FANK1: variants seen among roughly 807,000 people sequenced by gnomAD.
The protein encoded by FANK1 is fibronectin type III and ankyrin repeat domains 1.
FANK1 carries 44 observed loss-of-function variants against 45.3 expected under a neutral mutation model. The ratio of observed to expected loss-of-function variants is 0.97; its 90% confidence interval spans 0.76 to 1.25. The LOEUF (loss-of-function observed/expected upper bound fraction) is 1.25. FANK1 is among the 50% of genes most tolerant of loss of function. FANK1 has a pLI of 0.00. For synonymous variants in FANK1, 149 were observed against 152.5 expected (o/e 0.98, Z 0.17); for missense variants, 391 against 424.4 (o/e 0.92, Z 0.69).
At chr10:126,008,386 G>A (rs759024795) in intron 7 of FANK1, 21 bp from the exon 8 acceptor site, 3 of 1,573,542 alleles carry the variant, frequency 1.9e-6, no homozygotes, top group Admixed American at 1.9e-5. Flanking sequence ...GCTCAACACA[G>A]CTGTTTCTCT....
At chr10:125,939,934 A>ATT (rs1190885268) in intron 1 of FANK1, among the ~76,000 whole-genome samples, 8 of 149,838 alleles carry the variant, frequency 5.3e-5, no homozygotes, top group African/African-American at 2.0e-4. Context: ...TATTATTATT[A>ATT]TTTTTTTTTT....
intron 1 of FANK1, chr10:125,973,777 C>A (rs1236275446): frequency 6.6e-6 from 1 of 150,916 alleles, no homozygotes; most frequent in Middle Eastern, 3.2e-3. Context: ...GGTAAGACCC[C>A]CCTCCTGCCC....
In FANK1 at chr10:125,897,998, C is replaced by CAAAAAAAAAAAAAAA. The variant is rs373550249; in HGVS notation, c.13+1365_13+1379dup. Among the ~76,000 whole-genome samples, 6 of 16,796 alleles carry CAAAAAAAAAAAAAAA rather than the reference C, an allele frequency of 3.6e-4. 2 individuals are homozygous for CAAAAAAAAAAAAAAA. The highest frequency in any genetic ancestry group is 9.7e-4 in the African/African-American group (4 of 4,138). 11.0% of individuals were successfully genotyped at this position (16,796 alleles called of 152,430 possible). A position where few individuals can be genotyped will look rare whatever the true frequency, so the allele number is the denominator to read the frequency against. On this transcript the variant is annotated intron_variant, in intron 1 of 10. Transcript: ENST00000368693. ...AGTGAAACCCATCTCTACTAAAATA[C>CAAAAAAAAAAAAAAA]AAAAAAAAAAAAAAAAAAAAAAAAA... is the stretch of plus-strand genomic sequence containing the variant.
intron 1 of FANK1, among the ~76,000 whole-genome samples, chr10:125,923,160 T>C (rs368799044): frequency 2.0e-5 from 3 of 152,160 alleles, no homozygotes; most frequent in South Asian, 2.1e-4. Context: ...ATTTTTTTTT[T>C]CCAAAAATTC....
At chr10:125,999,271 C>T (rs922787758) in intron 6 of FANK1, among the ~76,000 whole-genome samples, 5 of 150,282 alleles carry the variant, frequency 3.3e-5, no homozygotes, top group African/African-American at 1.2e-4. Context: ...GCGATCTCAG[C>T]CCACTGCAAG....
At chr10:125,971,690 T>C (rs992536876) in intron 1 of FANK1, among the ~76,000 whole-genome samples, 6 of 152,068 alleles carry the variant, frequency 3.9e-5, no homozygotes, top group East Asian at 1.9e-4. Flanking sequence ...GGCATGATCT[T>C]GGCTCACTGC....
chr10:125,946,201 C>T (rs1948786911), intron 1 of FANK1, among the ~76,000 whole-genome samples: 1 of 151,724 alleles, frequency 6.6e-6, no homozygotes, highest in Non-Finnish European at 1.5e-5. Context: ...CGCAGAGCAC[C>T]TCTCCTCCTC....
chr10:126,004,738 G>A (rs1363060103), intron 6 of FANK1, 146 bp from the exon 7 acceptor site: 2 of 699,160 alleles, frequency 2.9e-6, no homozygotes, highest in East Asian at 2.6e-5. Flanking sequence ...ATCAGTTGAT[G>A]GATACGTGTA....
intron 1 of FANK1, among the ~76,000 whole-genome samples, chr10:125,952,095 A>G (rs946761033): frequency 8.5e-5 from 13 of 152,192 alleles, no homozygotes; most frequent in Admixed American, 2.6e-4. Context: ...TGCATAAATC[A>G]GGCAGCCTCA....
At chr10:125,970,101 G>A (rs1445921084) in intron 1 of FANK1, among the ~76,000 whole-genome samples, 7 of 152,030 alleles carry the variant, frequency 4.6e-5, no homozygotes, top group African/African-American at 9.7e-5. Context: ...CGACAAAACC[G>A]CCATCGTCAT....
At chr10:125,938,574 C>A (rs1330609003) in intron 1 of FANK1, among the ~76,000 whole-genome samples, 2 of 152,038 alleles carry the variant, frequency 1.3e-5, no homozygotes, top group South Asian at 4.2e-4. Flanking sequence ...TTTGGGAGGC[C>A]GAGGTGGGCG....
chr10:125,925,704 T>TA (rs1469865048), intron 1 of FANK1, among the ~76,000 whole-genome samples: 1 of 151,952 alleles, frequency 6.6e-6, no homozygotes, highest in Non-Finnish European at 1.5e-5. Context: ...GCTCCTCTGA[T>TA]ACGTATTTTA....
At chr10:125,944,453 A>G (rs985425577) in intron 1 of FANK1, among the ~76,000 whole-genome samples, 4 of 152,190 alleles carry the variant, frequency 2.6e-5, no homozygotes, top group African/African-American at 9.7e-5. Flanking sequence ...GTGATCTCTG[A>G]TGAATAAACC....
chr10:125,945,296 G>A (rs1185009815), intron 1 of FANK1, among the ~76,000 whole-genome samples: 1 of 152,224 alleles, frequency 6.6e-6, no homozygotes, highest in Non-Finnish European at 1.5e-5. Flanking sequence ...CCCAGTGTGA[G>A]CGACGCAGAA....
intron 1 of FANK1, among the ~76,000 whole-genome samples, chr10:125,955,493 T>A (rs1949520483): frequency 1.3e-5 from 2 of 152,174 alleles, no homozygotes; most frequent in South Asian, 2.1e-4. Flanking sequence ...ATTATTGTGA[T>A]CTTTTCAGAC....
intron 1 of FANK1, among the ~76,000 whole-genome samples, chr10:125,918,585 A>AAAAAAAAAAAAAAAATATAT (rs1554913277): frequency 1.4e-5 from 1 of 70,976 alleles, no homozygotes. Context: ...AAAAAAAAAA[A>AAAAAAAAAAAAAAAATATAT]ATATATATAT....
At chr10:125,988,458 G>T (rs748964548) in intron 2 of FANK1, 93 bp from the exon 3 acceptor site, 18 of 1,513,912 alleles carry the variant, frequency 1.2e-5, no homozygotes, top group Admixed American at 2.0e-5. Context: ...GAAATAGAAG[G>T]AAAATCACTT....
rs369056540 is a variant in FANK1, at chr10:125,943,022, C to T, written c.14-37139C>T. On this transcript the variant is annotated intron_variant, in intron 1 of 10. Coordinates refer to ENST00000368693, the MANE Select transcript of FANK1 (RefSeq NM_145235.5). Reference sequence around the variant, plus strand: ...AGAGATGGGGTTTCACCATATTGGCCAGGCTGGTCTCGAACTTCTGACCTC... The same window carrying T: ...AGAGATGGGGTTTCACCATATTGGCTAGGCTGGTCTCGAACTTCTGACCTC... 9.9e-5 allele frequency among the ~76,000 whole-genome samples: 15 copies of T among 152,154 alleles called. No homozygotes were observed. The South Asian group carries it at 2.9e-3, about 29-fold the overall frequency.
intron 1 of FANK1, among the ~76,000 whole-genome samples, chr10:125,947,972 A>G (rs570495217): frequency 1.6e-3 from 243 of 150,348 alleles, no homozygotes; most frequent in African/African-American, 5.7e-3. Context: ...ACTCAAAGCC[A>G]CTCAACTACC....
Sources: allele counts gnomAD v4.1 joint callset (sites outside exome capture counted in the v4.1 genomes callset), GRCh38; gene constraint gnomAD v4.1.1; transcripts MANE v1.5; gene names NCBI Gene and HGNC (gene_info 2026-07-23, HGNC 2026-07-21).